IQSEC1: variants seen among roughly 807,000 people sequenced by gnomAD.
IQSEC1 encodes IQ motif and SEC7 domain-containing protein 1.
In IQSEC1, 31 loss-of-function variants were observed where a neutral mutation model predicts 91.0. That is an observed-to-expected ratio of 0.34 (90% CI 0.26 to 0.46). The LOEUF is 0.46. Ranked by LOEUF, IQSEC1 falls within the 20% of genes least tolerant of loss-of-function variation. The pLI, the probability that IQSEC1 is intolerant of heterozygous loss-of-function variation, is 1.00. For synonymous variants in IQSEC1, 699 were observed against 662.6 expected (o/e 1.05, Z -0.84); for missense variants, 1,388 against 1,575.6 (o/e 0.88, Z 2.02).
At position 12,983,845 on chromosome 3, in the gene IQSEC1, T is replaced by C. The variant is rs559852916; in HGVS notation, c.24-41980A>G. On this transcript the variant is annotated intron_variant, in intron 1 of 13. Transcript: ENST00000613206. The surrounding 1 kb of genome is among the most constrained non-coding windows in gnomAD (Gnocchi z 4.3). ...GCACAACTAGCTGCTGGATAAATAT[T>C]TGTGGATGAAATGAATATGCCCAGC... Among the ~76,000 whole-genome samples the C allele has an allele frequency of 2.0e-5, 3 of 152,230 alleles. 1 individual carries two copies. The South Asian group carries it at 6.2e-4, about 32-fold the overall frequency.
chr3:13,282,211 C>A lies in IQSEC1; in HGVS notation c.272+500G>T, dbSNP rs1464006452. Among the ~76,000 whole-genome samples the A allele has an allele frequency of 6.6e-5, 10 of 152,324 alleles. No individual in the cohort carries two copies. In the East Asian group the frequency reaches 1.9e-3, roughly 29 times the overall value. The stretch of plus-strand genomic sequence containing the variant: ...AGAAGAGGGCTCTGCGCGTCCCGGA[C>A]TGGACACAGCGCAGAGTCCATTCCA... On this transcript the variant is annotated intron_variant, in intron 1 of 15. Coordinates refer to the IQSEC1 transcript ENST00000648114. This position sits in a 1 kb window ranked among gnomAD's most constrained non-coding sequence, Gnocchi z 6.4.
chr3:13,015,482 C>T, intron 1 of IQSEC1: 1 of 819,700 alleles, frequency 1.2e-6, no homozygotes, highest in Non-Finnish European at 1.5e-6. Flanking sequence ...CCCCCAAGAC[C>T]CTCACCACGG....
intron 1 of IQSEC1, among the ~76,000 whole-genome samples, chr3:13,260,899 G>A (rs887933524): frequency 6.6e-6 from 1 of 152,228 alleles, no homozygotes; most frequent in African/African-American, 2.4e-5. Context: ...CATATGAGGA[G>A]TCCCCAGTGC....
rs1337723594 is a variant in IQSEC1, at chr3:13,013,292, C to T, written c.23+59700G>A. On this transcript the variant is annotated intron_variant, in intron 1 of 13. Coordinates refer to ENST00000613206, the MANE Select transcript of IQSEC1 (RefSeq NM_001134382.3). Reference sequence around the variant, plus strand: ...TGATAGCCACTTCAATGCTCCCACACGCTGAGTACAGTCCAGATACCCACT... The same window carrying T: ...TGATAGCCACTTCAATGCTCCCACATGCTGAGTACAGTCCAGATACCCACT... Among the ~76,000 whole-genome samples, 13 of 152,304 alleles carry T rather than the reference C, an allele frequency of 8.5e-5. No homozygotes were observed. In the East Asian group the frequency reaches 1.4e-3, roughly 16 times the overall value.
Position 13,103,852 on chromosome 3 carries a change from C to CA in IQSEC1, c.303-56331dup, listed in dbSNP as rs1456695283. Among the ~76,000 whole-genome samples, 1 of 152,218 alleles carries CA rather than the reference C, an allele frequency of 6.6e-6. No homozygotes were observed. Among genetic ancestry groups the CA allele is most frequent in the Non-Finnish European group, 1.5e-5 (1 of 68,036 alleles). On this transcript the variant is annotated intron_variant, in intron 2 of 15. Coordinates refer to the IQSEC1 transcript ENST00000648114. The surrounding 1 kb of genome is among the most constrained non-coding windows in gnomAD (Gnocchi z 4.1). ...CAGCGTGCGGCACATAGTAGGTGCT[C>CA]AGTAAGTCACTAAATGAGCAGCAAT...
chr3:13,022,940 A>G (rs377544851), intron 1 of IQSEC1, among the ~76,000 whole-genome samples: 15 of 152,310 alleles, frequency 9.8e-5, no homozygotes, highest in African/African-American at 3.6e-4. Context: ...ACCTCAGGCT[A>G]CTGTGGGCTT....
chr3:13,156,064 CAAAA>C lies in IQSEC1; in HGVS notation c.302+8036_302+8039del, dbSNP rs34638350. ...AGAAACTCCGTCTCTACTAAAAATA[CAAAA>C]AAAAAAAAAAAAAAGTAGCTGGGCA... On this transcript the variant is annotated intron_variant, in intron 2 of 15. Coordinates refer to the IQSEC1 transcript ENST00000648114. 3.2e-3 allele frequency among the ~76,000 whole-genome samples: 422 copies of C among 129,862 alleles called. 3 individuals are homozygous for C. Among genetic ancestry groups the C allele is most frequent in the African/African-American group, 0.011 (400 of 34,906 alleles). The allele number at this position is 129,862 out of a possible 152,430, so 85.2% of individuals were successfully genotyped here.
At chr3:13,167,671 T>C (rs1354099730) in intron 1 of IQSEC1, among the ~76,000 whole-genome samples, 1 of 152,150 alleles carries the variant, frequency 6.6e-6, no homozygotes, top group East Asian at 1.9e-4. Context: ...CACAAGAGCA[T>C]AGAGGATAAC....
rs1205881415 is a variant in IQSEC1 at position 12,935,851 on chromosome 3, T to G, written c.1165A>C (p.Arg389=). 15 of 1,608,202 alleles carry G rather than the reference T, an allele frequency of 9.3e-6. No individual in the cohort carries two copies. Among genetic ancestry groups the G allele is most frequent in the Non-Finnish European group, 1.3e-5 (15 of 1,179,866 alleles). The change falls in exon 3 of 14, where the codon AGG becomes CGG. Residue 389 remains arginine, a synonymous_variant. Coordinates refer to ENST00000613206, the MANE Select transcript of IQSEC1 (RefSeq NM_001134382.3). The surrounding 1 kb of genome is among the most constrained non-coding windows in gnomAD (Gnocchi z 8.0). ...SDRSERGSLK[R]QSAYERSLGG... ...AGGCTGCGCTCGTAAGCACTCTGCCTCTTGAGTGACCCCCGCTCCGAGCGG... is the reference window on the plus strand; with the variant it reads ...AGGCTGCGCTCGTAAGCACTCTGCCGCTTGAGTGACCCCCGCTCCGAGCGG...
intron 8 of IQSEC1, 101 bp downstream of exon 8, chr3:12,915,003 C>T (rs1559615891): frequency 1.3e-5 from 16 of 1,188,280 alleles, no homozygotes; most frequent in Non-Finnish European, 2.0e-5. Context: ...AAGCAGCCAG[C>T]ACTTGGGCTC....
intron 6 of IQSEC1, among the ~76,000 whole-genome samples, chr3:12,919,681 CCT>C (rs559620419): frequency 3.4e-4 from 52 of 152,382 alleles, no homozygotes; most frequent in Admixed American, 1.4e-3. Context: ...ACCCTCAGCC[CCT>C]GTTTTCAACC....
intron 1 of IQSEC1, among the ~76,000 whole-genome samples, chr3:13,049,792 C>T (rs1336749033): frequency 6.6e-6 from 1 of 152,134 alleles, no homozygotes; most frequent in Non-Finnish European, 1.5e-5. Context: ...GTTAACACTT[C>T]ACAGGTATTA....
At chr3:12,975,651 T>C (rs958429728) in intron 1 of IQSEC1, among the ~76,000 whole-genome samples, 1 of 152,234 alleles carries the variant, frequency 6.6e-6, no homozygotes, top group Non-Finnish European at 1.5e-5. Context: ...GCTTATTGAA[T>C]GCAGGTTCTG....
At chr3:13,261,686 C>T (rs1398399357) in intron 1 of IQSEC1, among the ~76,000 whole-genome samples, 1 of 152,056 alleles carries the variant, frequency 6.6e-6, no homozygotes, top group Non-Finnish European at 1.5e-5. Flanking sequence ...ATGCATGGTC[C>T]CTGAGAGCTT....
rs183698979 is a variant in IQSEC1 at position 13,094,007 on chromosome 3, G to A, written c.303-46485C>T. Among the ~76,000 whole-genome samples, 111 of 152,316 alleles carry A rather than the reference G, an allele frequency of 7.3e-4. 1 individual carries two copies. The highest frequency in any genetic ancestry group is 2.7e-3 in the Admixed American group (42 of 15,300). On this transcript the variant is annotated intron_variant, in intron 2 of 15. Transcript: ENST00000648114. ...GAAAAAGAGACCTCTTCCGGCTGGGGCCACTGAACTAACTGGCTGTGAGCC... is the reference window on the plus strand; with the variant it reads ...GAAAAAGAGACCTCTTCCGGCTGGGACCACTGAACTAACTGGCTGTGAGCC...
chr3:13,108,022 A>T lies in IQSEC1; in HGVS notation c.302+56082T>A, dbSNP rs1271786685. Reference sequence around the variant, plus strand: ...CTATTTACACCTAGCAAACAAAAAAATTATAAAAAAGCATAAAGGAAAAAA... The same window carrying T: ...CTATTTACACCTAGCAAACAAAAAATTTATAAAAAAGCATAAAGGAAAAAA... On this transcript the variant is annotated intron_variant, in intron 2 of 15. Coordinates refer to the IQSEC1 transcript ENST00000648114. Among the ~76,000 whole-genome samples, 3 of 112,386 alleles carry T rather than the reference A, an allele frequency of 2.7e-5. No individual in the cohort carries two copies. In the Admixed American group the frequency reaches 3.0e-4, roughly 11 times the overall value. 73.7% of individuals were successfully genotyped at this position (112,386 alleles called of 152,430 possible).
upstream of IQSEC1, among the ~76,000 whole-genome samples, chr3:13,078,264 C>T (rs1412362052): frequency 6.6e-6 from 1 of 152,148 alleles, no homozygotes; most frequent in Non-Finnish European, 1.5e-5. Context: ...TACTCAGGAG[C>T]CTGTGAGAGG....
Position 13,193,732 on chromosome 3 carries a change from C to A in IQSEC1, c.273-29599G>T, listed in dbSNP as rs1694076159. ...AAGCCTCCCTCCTCCAACGGGCTCT[C>A]CCTGGACACATGCTGTGCTGGACGC... On this transcript the variant is annotated intron_variant, in intron 1 of 15. Coordinates refer to the IQSEC1 transcript ENST00000648114. The surrounding 1 kb of genome is among the most constrained non-coding windows in gnomAD (Gnocchi z 4.2). Among the ~76,000 whole-genome samples the A allele has an allele frequency of 6.6e-6, 1 of 152,290 alleles. No individual in the cohort carries two copies. Among genetic ancestry groups the A allele is most frequent in the Middle Eastern group, 3.4e-3 (1 of 294 alleles).
At chr3:12,956,483 A>G (rs1049946445) in intron 1 of IQSEC1, among the ~76,000 whole-genome samples, 2 of 152,218 alleles carry the variant, frequency 1.3e-5, no homozygotes, top group African/African-American at 2.4e-5. Context: ...ATACCGTCGC[A>G]GTGACCACAA....
Sources: gnomAD v4.1 joint callset for allele counts (sites outside exome capture counted in the v4.1 genomes callset) on GRCh38, gnomAD v4.1.1 for gene constraint, Gnocchi (gnomAD v3.1) non-coding constraint, MANE v1.5 for transcripts, NCBI Gene and HGNC (gene_info 2026-07-23, HGNC 2026-07-21) for gene names.